Variants in DOCK2 observed in about 807,000 individuals in gnomAD.
The protein encoded by DOCK2 is dedicator of cytokinesis 2.
A neutral mutation model predicts 248.9 loss-of-function variants in DOCK2; 87 were observed. The observed-to-expected ratio is 0.35, with a 90% confidence interval of 0.29 to 0.42. The LOEUF (loss-of-function observed/expected upper bound fraction) is 0.42, where lower values mean the gene tolerates loss of function less well. Among genes scored for constraint, DOCK2 ranks in the 10% least tolerant of loss-of-function variants. DOCK2 has a pLI of 1.00. For synonymous variants in DOCK2, 805 were observed against 821.6 expected (o/e 0.98, Z 0.35); for missense variants, 1,747 against 2,300.2 (o/e 0.76, Z 4.92).
At chr5:169,700,545 T>A (rs1285001711) in intron 13 of DOCK2, among the ~76,000 whole-genome samples, 1 of 152,100 alleles carries the variant, frequency 6.6e-6, no homozygotes, top group Non-Finnish European at 1.5e-5. Context: ...TTTTTTTATA[T>A]TACCAAAGGA....
chr5:169,849,373 T>C (rs1358790073), intron 27 of DOCK2, among the ~76,000 whole-genome samples: 7 of 152,168 alleles, frequency 4.6e-5, no homozygotes, highest in Non-Finnish European at 7.4e-5. Context: ...GGGAGTACTG[T>C]TTTGGAGTCG....
chr5:169,870,839 T>A (rs570063592), intron 27 of DOCK2, among the ~76,000 whole-genome samples: 1 of 152,280 alleles, frequency 6.6e-6, no homozygotes, highest in African/African-American at 2.4e-5. Flanking sequence ...ACAAGCAGAA[T>A]CTAAACCCTA....
rs369517268 is a variant in DOCK2 at position 170,080,160 on chromosome 5, C to T, written c.5167-3C>T. The T allele has an allele frequency of 1.2e-6, 2 of 1,614,014 alleles. No individual in the cohort carries two copies. Among genetic ancestry groups the T allele is most frequent in the East Asian group, 2.2e-5 (1 of 44,870 alleles). On this transcript the variant is annotated splice_region_variant and splice_polypyrimidine_tract_variant and intron_variant, in intron 49 of 51. Transcript: ENST00000520908. ...TGTGTGTGTGTCTGGTGTATTCCTC[C>T]AGCTTTCCAGGAAGCATGAGTTCAT...
chr5:169,877,108 T>G (rs1441735314), intron 27 of DOCK2, among the ~76,000 whole-genome samples: 1 of 152,000 alleles, frequency 6.6e-6, no homozygotes, highest in Non-Finnish European at 1.5e-5. Flanking sequence ...CTAAGAAATA[T>G]CCACACAAAG....
At chr5:169,821,644 C>G (rs1418033167) in intron 26 of DOCK2, among the ~76,000 whole-genome samples, 2 of 152,168 alleles carry the variant, frequency 1.3e-5, no homozygotes, top group African/African-American at 4.8e-5. Flanking sequence ...AAGGAACAAC[C>G]AGTACCAGCC....
At chr5:170,079,176 G>C in intron 49 of DOCK2, 30 bp downstream of exon 49, 1 of 1,605,044 alleles carries the variant, frequency 6.2e-7, no homozygotes, top group Non-Finnish European at 8.5e-7. Context: ...TGCCTCTCCA[G>C]CGCTGTTAGC....
chr5:169,837,073 T>TCCCA (rs1769627793), intron 26 of DOCK2, among the ~76,000 whole-genome samples: 1 of 152,072 alleles, frequency 6.6e-6, no homozygotes, highest in South Asian at 2.1e-4. Flanking sequence ...CCCCATCCAC[T>TCCCA]CCCAGCTCAC....
chr5:169,693,792 G>A (rs752360265), intron 9 of DOCK2, among the ~76,000 whole-genome samples: 1 of 152,142 alleles, frequency 6.6e-6, no homozygotes, highest in Admixed American at 6.5e-5. Flanking sequence ...CTAAAGGCAG[G>A]CTGGCAGGCT....
At chr5:169,776,939 C>T (rs1765418810) in intron 25 of DOCK2, among the ~76,000 whole-genome samples, 1 of 152,172 alleles carries the variant, frequency 6.6e-6, no homozygotes. Flanking sequence ...TTTATAGCAG[C>T]ATAAGAATGG....
chr5:170,024,810 G>A (rs1205704965), intron 33 of DOCK2, among the ~76,000 whole-genome samples: 1 of 152,140 alleles, frequency 6.6e-6, no homozygotes, highest in Non-Finnish European at 1.5e-5. Flanking sequence ...ATGCCTGACT[G>A]AGACCTTACC....
intron 27 of DOCK2, among the ~76,000 whole-genome samples, chr5:169,930,942 A>G (rs977614211): frequency 2.0e-5 from 3 of 152,202 alleles, no homozygotes; most frequent in Non-Finnish European, 4.4e-5. Flanking sequence ...ATCACATGTC[A>G]TGGGCCAGTC....
intron 27 of DOCK2, chr5:169,881,462 C>T: frequency 6.5e-7 from 1 of 1,549,022 alleles, no homozygotes; most frequent in Non-Finnish European, 8.7e-7. Flanking sequence ...AGAGCATTTG[C>T]TGGATAAATC....
In DOCK2 at chr5:169,938,360, A is replaced by T. The variant is rs78911776; in HGVS notation, c.2800-44708A>T. ...TAGGCAATTTTCTCATTGTGTGAAC[A>T]TCAGAGTGTACTCACACGAAGCTAG... is the stretch of plus-strand genomic sequence containing the variant. On this transcript the variant is annotated intron_variant, in intron 27 of 51. Transcript: ENST00000520908. 0.013 allele frequency among the ~76,000 whole-genome samples: 1,904 copies of T among 152,260 alleles called. 75 individuals are homozygous for T. In the East Asian group the frequency reaches 0.13, roughly 11 times the overall value.
chr5:169,989,707 C>G (rs2113791922), intron 29 of DOCK2, among the ~76,000 whole-genome samples: 1 of 152,336 alleles, frequency 6.6e-6, no homozygotes, highest in Admixed American at 6.5e-5. Context: ...CTTCACCACT[C>G]TAGACTCTGT....
At chr5:170,018,874 C>CTTTTTTT in intron 32 of DOCK2, 86 bp from the exon 33 acceptor site, 12 of 1,510,086 alleles carry the variant, frequency 7.9e-6, no homozygotes, top group African/African-American at 2.8e-5. Flanking sequence ...TTATGCTTCC[C>CTTTTTTT]TTTTTTTCTT....
At chr5:169,971,488 T>C (rs1464211397) in intron 27 of DOCK2, among the ~76,000 whole-genome samples, 3 of 150,664 alleles carry the variant, frequency 2.0e-5, no homozygotes, top group Admixed American at 6.6e-5. Context: ...AAAAGGGCTT[T>C]ACAGGAGCTC....
At position 170,010,167 on chromosome 5, in the gene DOCK2, C is replaced by T. The variant is rs146960574; in HGVS notation, c.3232+1421C>T. 5.5e-4 allele frequency among the ~76,000 whole-genome samples: 84 copies of T among 152,252 alleles called. 2 individuals carry two copies. The East Asian group carries it at 0.016, about 29-fold the overall frequency. On this transcript the variant is annotated intron_variant, in intron 32 of 51. Transcript: ENST00000520908. ...GGATGGAACCTAATGTTTCTGTTCT[C>T]CCTGGCCTCTACCCTCTAAGATGCC... is the stretch of plus-strand genomic sequence containing the variant.
intron 46 of DOCK2, among the ~76,000 whole-genome samples, chr5:170,072,383 T>C (rs1189618754): frequency 6.6e-6 from 1 of 152,244 alleles, no homozygotes; most frequent in Non-Finnish European, 1.5e-5. Flanking sequence ...CTAAGTGTCA[T>C]CTATTGTATG....
At chr5:169,696,817 C>A (rs1274993742) in intron 10 of DOCK2, among the ~76,000 whole-genome samples, 1 of 151,312 alleles carries the variant, frequency 6.6e-6, no homozygotes, top group Admixed American at 6.6e-5. Context: ...TTTTACTGAG[C>A]TCACTGTTTT....
Sources: allele counts gnomAD v4.1 joint callset (sites outside exome capture counted in the v4.1 genomes callset), GRCh38; gene constraint gnomAD v4.1.1; transcripts MANE v1.5; gene names NCBI Gene and HGNC (gene_info 2026-07-23, HGNC 2026-07-21).